The following HDAC8 variants were observed in gnomAD, a reference collection of about 807,000 sequenced individuals.
HDAC8 encodes the protein histone deacetylase-like 1.
Under a neutral mutation model 32.2 loss-of-function variants are expected in HDAC8, and 1 was observed. That is an observed-to-expected ratio of 0.03 (90% confidence interval 0.01 to 0.15). The LOEUF (loss-of-function observed/expected upper bound fraction) is 0.15, where lower values mean the gene tolerates loss of function less well. Among genes scored for constraint, HDAC8 ranks in the 10% least tolerant of loss-of-function variants. The pLI, the probability that HDAC8 is intolerant of heterozygous loss-of-function variation, is 1.00. For synonymous variants in HDAC8, 108 were observed against 113.9 expected, an observed-to-expected ratio of 0.95 and a Z score of 0.33; for missense variants, 117 against 300.0, an observed-to-expected ratio of 0.39 and a Z score of 4.51.
In HDAC8 at chrX:72,489,013, T is replaced by G; in HGVS notation, c.657A>C (p.Leu219=). The G allele has an allele frequency of 8.4e-7, 1 of 1,196,338 alleles. No individual in the cohort carries two copies. Among genetic ancestry groups the G allele is most frequent in the Non-Finnish European group, 1.1e-6 (1 of 886,650 alleles). The stretch of plus-strand genomic sequence containing the variant: ...TTACACTGTAGTACCGTCCCTTCCC[T>G]AGGCCAACATCAGACACGTCACCTG... ...PGTGDVSDVG[L]GKGRYYSVNV... is the part of the protein sequence containing the mutation. The change falls in exon 7 of 11, where the codon CTA becomes CTC. Residue 219 remains leucine (L), a synonymous_variant. Coordinates refer to ENST00000373573, the MANE Select transcript of HDAC8 (RefSeq NM_018486.3).
intron 4 of HDAC8, among the ~76,000 whole-genome samples, chrX:72,532,701 A>AT (rs2050390678): frequency 9.1e-6 from 1 of 110,192 alleles, no homozygotes; most frequent in South Asian, 3.8e-4. Context: ...TCCTTTATAC[A>AT]TTTTTCAATT....
chrX:72,445,553 A>C (rs1211288445), intron 9 of HDAC8, among the ~76,000 whole-genome samples: 1 of 112,269 alleles, frequency 8.9e-6, no homozygotes, highest in African/African-American at 3.2e-5. Flanking sequence ...TAAAGACTTA[A>C]ATGTTAGAGC....
rs1211368189 is a variant in HDAC8, at chrX:72,552,166, A to G, written c.437+15723T>C. On this transcript the variant is annotated intron_variant, in intron 4 of 10. Coordinates refer to ENST00000373573, the MANE Select transcript of HDAC8 (RefSeq NM_018486.3). ...GTGAGTATATTATATAAGTGTGTAC[A>G]TATAAAAATATAGGGCTGGATGCTG... Among the ~76,000 whole-genome samples, 5 of 112,438 alleles carry G rather than the reference A, an allele frequency of 4.4e-5. No individual in the cohort carries two copies. In the South Asian group the frequency reaches 1.8e-3, roughly 42 times the overall value.
At chrX:72,442,176 T>C (rs1248142032) in intron 9 of HDAC8, among the ~76,000 whole-genome samples, 2 of 110,060 alleles carry the variant, frequency 1.8e-5, no homozygotes, top group Admixed American at 9.8e-5. Context: ...ATTCAGGAAA[T>C]ACAGAGAACA....
intron 4 of HDAC8, among the ~76,000 whole-genome samples, chrX:72,530,696 T>C (rs782119296): frequency 9.0e-6 from 1 of 111,214 alleles, no homozygotes; most frequent in Admixed American, 9.6e-5. Flanking sequence ...TGTCTGTCTA[T>C]CTACCTACCT....
intron 6 of HDAC8, among the ~76,000 whole-genome samples, chrX:72,489,526 T>C (rs1240645113): frequency 8.1e-5 from 9 of 111,156 alleles, no homozygotes; most frequent in African/African-American, 2.9e-4. Context: ...TAATAAATGG[T>C]GCTGGGAAAA....
chrX:72,383,658 CAGG>C (rs2045330416), intron 9 of HDAC8, among the ~76,000 whole-genome samples: 2 of 110,504 alleles, frequency 1.8e-5, no homozygotes, highest in South Asian at 7.8e-4. Context: ...ATCACGAGGT[CAGG>C]AGATCGAGAC....
intron 9 of HDAC8, among the ~76,000 whole-genome samples, chrX:72,442,744 T>C (rs1229000175): frequency 8.0e-5 from 9 of 111,880 alleles, no homozygotes; most frequent in South Asian, 3.7e-4. Flanking sequence ...GACTGGCAAA[T>C]TGGATAAAGA....
At chrX:72,557,527 G>A (rs1156247067) in intron 4 of HDAC8, among the ~76,000 whole-genome samples, 2 of 111,265 alleles carry the variant, frequency 1.8e-5, no homozygotes, top group Non-Finnish European at 3.8e-5. Flanking sequence ...TGAACAGAAC[G>A]ATAATAGTGA....
At chrX:72,512,162 G>A (rs1556022298) in intron 4 of HDAC8, among the ~76,000 whole-genome samples, 1 of 111,327 alleles carries the variant, frequency 9.0e-6, no homozygotes, top group African/African-American at 3.3e-5. Flanking sequence ...AACAAAGCAT[G>A]GAATATTTTT....
chrX:72,541,977 T>C (rs1036958644), intron 4 of HDAC8, among the ~76,000 whole-genome samples: 24 of 111,994 alleles, frequency 2.1e-4, no homozygotes, highest in Non-Finnish European at 3.6e-4. Context: ...TATGTACTTT[T>C]TGGTATGTTA....
intron 7 of HDAC8, among the ~76,000 whole-genome samples, chrX:72,482,657 G>C (rs187910215): frequency 7.2e-4 from 80 of 111,241 alleles, no homozygotes; most frequent in African/African-American, 2.6e-3. Flanking sequence ...GAAGTCCCAG[G>C]GATGGTGTTT....
chrX:72,472,302 C>T (rs1456676649), intron 7 of HDAC8, among the ~76,000 whole-genome samples: 1 of 110,410 alleles, frequency 9.1e-6, no homozygotes, highest in Admixed American at 9.6e-5. Context: ...CTCCTGACCT[C>T]GTGATCCGCC....
chrX:72,477,720 C>T (rs994459558), intron 7 of HDAC8, among the ~76,000 whole-genome samples: 5 of 112,547 alleles, frequency 4.4e-5, no homozygotes, highest in African/African-American at 1.6e-4. Context: ...ATTTTTATTA[C>T]TTTTAAGTAC....
chrX:72,538,869 T>G (rs1281093396), intron 4 of HDAC8, among the ~76,000 whole-genome samples: 1 of 111,861 alleles, frequency 8.9e-6, no homozygotes, highest in Non-Finnish European at 1.9e-5. Flanking sequence ...GAAAAATACA[T>G]TAAAATACAT....
intron 4 of HDAC8, among the ~76,000 whole-genome samples, chrX:72,527,246 C>T (rs1420961142): frequency 9.0e-6 from 1 of 111,673 alleles, no homozygotes; most frequent in Non-Finnish European, 1.9e-5. Context: ...GTTCCCTTTT[C>T]CTTATCTTTT....
At chrX:72,469,823 T>A (rs1476106829) in intron 7 of HDAC8, among the ~76,000 whole-genome samples, 2 of 110,892 alleles carry the variant, frequency 1.8e-5, no homozygotes, top group East Asian at 5.6e-4. Context: ...TTTTGAAAAA[T>A]ACAAATATAA....
At chrX:72,476,547 A>G (rs782703094) in intron 7 of HDAC8, among the ~76,000 whole-genome samples, 1 of 111,221 alleles carries the variant, frequency 9.0e-6, no homozygotes, top group African/African-American at 3.3e-5. Flanking sequence ...TGCAACCCCT[A>G]CAGCACTCAG....
chrX:72,559,965 C>G (rs1556114913), intron 4 of HDAC8, among the ~76,000 whole-genome samples: 2 of 108,508 alleles, frequency 1.8e-5, no homozygotes. Flanking sequence ...CCCGCCCGGC[C>G]GCTGCCCCGT....
Sources: gnomAD v4.1 joint callset for allele counts (sites outside exome capture counted in the v4.1 genomes callset) on GRCh38, gnomAD v4.1.1 for gene constraint, MANE v1.5 for transcripts, NCBI Gene and HGNC (gene_info 2026-07-23, HGNC 2026-07-21) for gene names.